RASEF: variants seen among roughly 807,000 people sequenced by gnomAD.
RASEF encodes the protein RAS and EF-hand domain containing.
Under a neutral mutation model 90.1 loss-of-function variants are expected in RASEF, and 68 were observed. The observed-to-expected ratio is 0.75, with a 90% CI of 0.62 to 0.92. The LOEUF is 0.92. Ranked by LOEUF, RASEF falls within the 40% of genes least tolerant of loss-of-function variation. The pLI, the probability that RASEF is intolerant of heterozygous loss-of-function variation, is 0.00. For missense variants in RASEF, 949 were observed against 937.2 expected, an observed-to-expected ratio of 1.01 and a Z score of -0.16; for synonymous variants, 331 against 345.2, an observed-to-expected ratio of 0.96 and a Z score of 0.46.
At chr9:83,145,162 C>G in the RASEF span, among the ~76,000 whole-genome samples, 1 of 152,094 alleles carries the variant, frequency 6.6e-6, no homozygotes, top group African/African-American at 2.4e-5. Flanking sequence ...AGTTTGAATG[C>G]AGACTGAATT....
the RASEF span, among the ~76,000 whole-genome samples, chr9:83,185,557 C>A: frequency 6.6e-6 from 1 of 151,986 alleles, no homozygotes; most frequent in African/African-American, 2.4e-5. Flanking sequence ...GTGAGACTTC[C>A]TGGAGCAACC....
At chr9:83,024,381 G>A (rs901683339) in intron 2 of RASEF, among the ~76,000 whole-genome samples, 3 of 152,056 alleles carry the variant, frequency 2.0e-5, no homozygotes, top group African/African-American at 7.3e-5. Context: ...TGGGGGGCAT[G>A]TGTATGCATG....
At position 83,000,346 on chromosome 9, in the gene RASEF, C is replaced by T. The variant is rs1396190955; in HGVS notation, c.1576-30G>A. 4.5e-5 allele frequency: 73 copies of T among 1,611,434 alleles called. No homozygotes were observed. The East Asian group carries it at 5.8e-4, about 13-fold the overall frequency. ...GGGGAAAAGCCACAGTGAATGATAA[C>T]GGTATTGCCAGTTTTCATCCTAATA... On this transcript the variant is annotated intron_variant, in intron 11 of 16. Transcript: ENST00000376447.
At chr9:83,029,651 T>A (rs1421588406) in intron 1 of RASEF, among the ~76,000 whole-genome samples, 1 of 151,118 alleles carries the variant, frequency 6.6e-6, no homozygotes, top group African/African-American at 2.4e-5. Context: ...CCTCAGGTGA[T>A]CCACCCACCT....
chr9:83,113,360 G>C, the RASEF span, among the ~76,000 whole-genome samples: 1 of 152,172 alleles, frequency 6.6e-6, no homozygotes, highest in Non-Finnish European at 1.5e-5. Flanking sequence ...GTCACCTCAG[G>C]ACCACTATTG....
At chr9:83,072,998 A>G in the RASEF span, among the ~76,000 whole-genome samples, 1 of 152,200 alleles carries the variant, frequency 6.6e-6, no homozygotes, top group Non-Finnish European at 1.5e-5. Context: ...TGAGTGATAT[A>G]AGTAAAATCA....
chr9:83,202,842 G>T, the RASEF span, among the ~76,000 whole-genome samples: 578 of 152,108 alleles, frequency 3.8e-3, 2 homozygotes, highest in African/African-American at 0.013. Context: ...AGTATGTGAG[G>T]CACTACATAT....
rs187661567 is a variant in RASEF, at chr9:83,025,059, G to A, written c.578+716C>T. On this transcript the variant is annotated intron_variant, in intron 2 of 16. Transcript: ENST00000376447. ...TAAAGGAATGCAGTTTTTCCAGGGG[G>A]CAAAGAGGCTGACGTTTGGACTGCA... Among the ~76,000 whole-genome samples, 47 of 152,310 alleles carry A rather than the reference G, an allele frequency of 3.1e-4. No homozygotes were observed. The East Asian group carries it at 8.5e-3, about 28-fold the overall frequency.
chr9:83,041,132 A>G (rs1829832843), intron 1 of RASEF, among the ~76,000 whole-genome samples: 1 of 152,238 alleles, frequency 6.6e-6, no homozygotes, highest in Non-Finnish European at 1.5e-5. Context: ...AAGTGCTGGG[A>G]TTACAGGCAT....
the RASEF span, among the ~76,000 whole-genome samples, chr9:83,114,942 T>A: frequency 5.3e-5 from 8 of 152,146 alleles, no homozygotes; most frequent in Non-Finnish European, 1.0e-4. Context: ...GTGACCCACA[T>A]CCTATTCATA....
Position 83,012,531 on chromosome 9 carries a change from T to G in RASEF, c.766-20A>C. 6.7e-7 allele frequency: 1 copy of G among 1,495,028 alleles called. No homozygotes were observed. The highest frequency in any genetic ancestry group is 9.2e-7 in the Non-Finnish European group (1 of 1,091,108). 92.6% of individuals were successfully genotyped at this position (1,495,028 alleles called of 1,614,324 possible). On this transcript the variant is annotated intron_variant, in intron 4 of 16. Coordinates refer to ENST00000376447, the MANE Select transcript of RASEF (RefSeq NM_152573.4). Reference sequence around the variant, plus strand: ...TTCGAGCTGAAAGACCAAATAAAAGTTGTGTGCTTACAAACTCACTTTGAA... The same window carrying G: ...TTCGAGCTGAAAGACCAAATAAAAGGTGTGTGCTTACAAACTCACTTTGAA...
At chr9:82,999,872 G>A (rs1339664075) in intron 12 of RASEF, among the ~76,000 whole-genome samples, 2 of 151,880 alleles carry the variant, frequency 1.3e-5, no homozygotes, top group African/African-American at 4.8e-5. Context: ...CCAAAGTGCT[G>A]GGATTACAGG....
At chr9:83,140,943 G>A in the RASEF span, among the ~76,000 whole-genome samples, 1 of 152,144 alleles carries the variant, frequency 6.6e-6, no homozygotes, top group South Asian at 2.1e-4. Context: ...AGGAGTTCGA[G>A]ACCAGCCTTG....
At chr9:83,201,442 TGGA>T in the RASEF span, among the ~76,000 whole-genome samples, 1 of 152,180 alleles carries the variant, frequency 6.6e-6, no homozygotes, top group Non-Finnish European at 1.5e-5. Context: ...GCCTTGGTAA[TGGA>T]GGAGACACTC....
At chr9:83,150,376 C>T in the RASEF span, among the ~76,000 whole-genome samples, 1 of 152,104 alleles carries the variant, frequency 6.6e-6, no homozygotes, top group Non-Finnish European at 1.5e-5. Flanking sequence ...CTGACAACCA[C>T]CCCCATAATT....
At chr9:83,180,782 G>A in the RASEF span, among the ~76,000 whole-genome samples, 1 of 151,988 alleles carries the variant, frequency 6.6e-6, no homozygotes, top group African/African-American at 2.4e-5. Flanking sequence ...AACTGAGGGA[G>A]AAATGCTTCT....
intron 16 of RASEF, among the ~76,000 whole-genome samples, chr9:82,986,166 G>A (rs996671808): frequency 1.3e-5 from 2 of 152,198 alleles, no homozygotes; most frequent in African/African-American, 4.8e-5. Context: ...AGTGATCCAG[G>A]TTGGTGGTGA....
chr9:83,006,750 A>G (rs1411339733), intron 7 of RASEF, among the ~76,000 whole-genome samples: 1 of 152,146 alleles, frequency 6.6e-6, no homozygotes, highest in Non-Finnish European at 1.5e-5. Context: ...ACTGAGAAAG[A>G]ATTGTGGAGG....
chr9:83,121,877 C>T, the RASEF span, among the ~76,000 whole-genome samples: 26 of 152,336 alleles, frequency 1.7e-4, no homozygotes, highest in East Asian at 3.3e-3. Flanking sequence ...AGTTATCCCA[C>T]TTACCATAGG....
Sources: allele counts gnomAD v4.1 joint callset (sites outside exome capture counted in the v4.1 genomes callset), GRCh38; gene constraint gnomAD v4.1.1; transcripts MANE v1.5; gene names NCBI Gene and HGNC (gene_info 2026-07-23, HGNC 2026-07-21).